Variants in EDIL3 observed in about 807,000 individuals in gnomAD.
EDIL3 encodes EGF-like repeat and discoidin I-like domain-containing protein 3.
In EDIL3, 37 loss-of-function variants were observed where a neutral mutation model predicts 67.4. The ratio of observed to expected loss-of-function variants is 0.55; its 90% CI spans 0.42 to 0.72. The LOEUF is 0.72. Ranked by LOEUF, EDIL3 falls within the 30% of genes least tolerant of loss-of-function variation. The pLI, the probability that EDIL3 is intolerant of heterozygous loss-of-function variation, is 0.00. For synonymous variants in EDIL3, 195 were observed against 196.3 expected (o/e 0.99, Z 0.05); for missense variants, 527 against 586.3 (o/e 0.90, Z 1.04).
At chr5:84,170,131 C>A (rs377758378) in intron 4 of EDIL3, among the ~76,000 whole-genome samples, 1 of 152,120 alleles carries the variant, frequency 6.6e-6, no homozygotes. Context: ...TTTATAGCTG[C>A]CTTTACAGGA....
At chr5:84,029,092 C>T (rs997816887) in intron 9 of EDIL3, among the ~76,000 whole-genome samples, 2 of 152,100 alleles carry the variant, frequency 1.3e-5, no homozygotes, top group African/African-American at 4.8e-5. Flanking sequence ...CCCATCTCTA[C>T]TAAAAATACA....
chr5:84,099,721 T>C (rs933331142), intron 6 of EDIL3, among the ~76,000 whole-genome samples: 7 of 151,932 alleles, frequency 4.6e-5, no homozygotes, highest in Admixed American at 2.6e-4. Flanking sequence ...AAAGCCAAAA[T>C]TGACAAATGG....
At chr5:84,346,744 T>C (rs567996915) in intron 1 of EDIL3, among the ~76,000 whole-genome samples, 1 of 152,290 alleles carries the variant, frequency 6.6e-6, no homozygotes, top group South Asian at 2.1e-4. Context: ...TGTGAAACTC[T>C]TTGGAGAAAA....
intron 3 of EDIL3, among the ~76,000 whole-genome samples, chr5:84,207,962 A>T (rs1481358307): frequency 6.6e-6 from 1 of 152,144 alleles, no homozygotes. Flanking sequence ...AAACCTAGGC[A>T]TTACCATTCA....
chr5:83,948,189 AT>A (rs1039540958), intron 10 of EDIL3, among the ~76,000 whole-genome samples: 9 of 151,500 alleles, frequency 5.9e-5, no homozygotes, highest in Non-Finnish European at 1.0e-4. Context: ...GGGTTTTCCA[AT>A]TTTTTTTACT....
intron 9 of EDIL3, among the ~76,000 whole-genome samples, chr5:83,963,632 G>A (rs982259594): frequency 2.0e-5 from 3 of 149,708 alleles, no homozygotes; most frequent in African/African-American, 7.3e-5. Flanking sequence ...TTTTATATTA[G>A]GTGGATTCAT....
intron 1 of EDIL3, among the ~76,000 whole-genome samples, chr5:84,291,694 ATATC>A (rs200910094): frequency 0.014 from 2,051 of 145,954 alleles, 54 homozygotes; most frequent in African/African-American, 0.047. Context: ...ATATATCTAT[ATATC>A]TATCTATGTA....
chr5:84,082,373 T>C (rs1746986415), intron 6 of EDIL3, among the ~76,000 whole-genome samples: 2 of 152,208 alleles, frequency 1.3e-5, no homozygotes, highest in South Asian at 4.1e-4. Flanking sequence ...TATGCACTGA[T>C]GATAAAAGAA....
chr5:84,310,535 T>C (rs77996236), intron 1 of EDIL3, among the ~76,000 whole-genome samples: 2,791 of 152,286 alleles, frequency 0.018, 86 homozygotes, highest in African/African-American at 0.064. Context: ...CAGGCAAGTG[T>C]TGAAAAAATA....
chr5:84,041,660 G>A (rs1746126357), intron 9 of EDIL3, among the ~76,000 whole-genome samples: 2 of 145,604 alleles, frequency 1.4e-5, no homozygotes, highest in Admixed American at 1.4e-4. Context: ...ATACTTATAT[G>A]TATATACTTA....
At chr5:84,370,313 G>A (rs1253717537) in intron 1 of EDIL3, among the ~76,000 whole-genome samples, 2 of 152,182 alleles carry the variant, frequency 1.3e-5, no homozygotes, top group Non-Finnish European at 2.9e-5. Flanking sequence ...AAGGTTCTCA[G>A]CTCCTCGGCA....
At chr5:84,195,924 C>T (rs1349165874) in intron 3 of EDIL3, among the ~76,000 whole-genome samples, 1 of 152,084 alleles carries the variant, frequency 6.6e-6, no homozygotes, top group Non-Finnish European at 1.5e-5. Context: ...CCTCTTTTCA[C>T]AGGAGCTACC....
chr5:84,318,076 A>G (rs1409023548), intron 1 of EDIL3, among the ~76,000 whole-genome samples: 2 of 152,336 alleles, frequency 1.3e-5, no homozygotes, highest in Admixed American at 6.5e-5. Context: ...TTAAGAGAAT[A>G]AAATACCTAG....
intron 1 of EDIL3, among the ~76,000 whole-genome samples, chr5:84,300,563 G>GA (rs1746138147): frequency 6.6e-6 from 1 of 152,054 alleles, no homozygotes; most frequent in African/African-American, 2.4e-5. Context: ...TATATTCTCT[G>GA]AAAAATTATT....
chr5:84,008,908 G>T (rs1439119748), intron 9 of EDIL3, among the ~76,000 whole-genome samples: 1 of 152,128 alleles, frequency 6.6e-6, no homozygotes, highest in African/African-American at 2.4e-5. Flanking sequence ...CGCCTCCCAG[G>T]CTCAAGCAAT....
At chr5:84,039,861 A>C (rs1044831336) in intron 9 of EDIL3, among the ~76,000 whole-genome samples, 2 of 152,096 alleles carry the variant, frequency 1.3e-5, no homozygotes, top group African/African-American at 4.8e-5. Flanking sequence ...TTTATAATAA[A>C]TTTAAATTTA....
intron 5 of EDIL3, among the ~76,000 whole-genome samples, chr5:84,114,039 G>A (rs1421782103): frequency 2.0e-5 from 3 of 151,840 alleles, no homozygotes; most frequent in African/African-American, 4.8e-5. Flanking sequence ...TTTATTCCTA[G>A]CATTTGTTTT....
chr5:84,080,115 C>CAAAAAAAA (rs10566347), intron 6 of EDIL3, among the ~76,000 whole-genome samples: 606 of 53,014 alleles, frequency 0.011, 1 homozygote, highest in Non-Finnish European at 0.016. Context: ...ACTAAAAATA[C>CAAAAAAAA]AAAAAAAAAA....
At chr5:84,106,440 T>A (rs1489659438) in intron 6 of EDIL3, among the ~76,000 whole-genome samples, 2 of 152,054 alleles carry the variant, frequency 1.3e-5, no homozygotes, top group African/African-American at 4.8e-5. Flanking sequence ...ATTTTTAACG[T>A]TTTTGATCTC....
Sources: allele counts gnomAD v4.1 joint callset (sites outside exome capture counted in the v4.1 genomes callset), GRCh38; gene constraint gnomAD v4.1.1; transcripts MANE v1.5; gene names NCBI Gene and HGNC (gene_info 2026-07-23, HGNC 2026-07-21).